Variants in OCLN observed in about 807,000 individuals in gnomAD.
OCLN encodes phosphatase 1, regulatory subunit 115.
A neutral mutation model predicts 47.9 loss-of-function variants in OCLN; 21 were observed. The ratio of observed to expected loss-of-function variants is 0.44; its 90% CI spans 0.31 to 0.63. The LOEUF is 0.63. OCLN is among the 30% of genes least tolerant of loss of function. OCLN has a pLI of 0.08. For synonymous variants in OCLN, 117 were observed against 198.4 expected (o/e 0.59, Z 3.45); for missense variants, 360 against 571.0 (o/e 0.63, Z 3.77).
At position 69,509,775 on chromosome 5, in the gene OCLN, G is replaced by C. The variant is rs141127898; in HGVS notation, c.685G>C (p.Val229Leu). ...TACACCTGCAGCTACTGGACTCTAC[G>C]TGGATCAGTATTTGTATCACTACTG... ...FYTPAATGLY[V>L]DQYLYHYCVV... Residue 229 changes from valine to leucine, a missense_variant, in exon 3 of 9, where the codon GTG becomes CTG. Coordinates refer to ENST00000396442, the MANE Select transcript of OCLN (RefSeq NM_001205254.2). 1 of 1,613,888 alleles carries C rather than the reference G, an allele frequency of 6.2e-7. No homozygotes were observed.
intron 1 of OCLN, among the ~76,000 whole-genome samples, chr5:69,499,485 T>C (rs1289909326): frequency 6.6e-6 from 1 of 152,230 alleles, no homozygotes. Flanking sequence ...ATGGATACAA[T>C]ATACCTAAGT....
intron 4 of OCLN, among the ~76,000 whole-genome samples, chr5:69,518,524 G>A (rs908117382): frequency 2.6e-5 from 4 of 152,018 alleles, no homozygotes; most frequent in African/African-American, 9.7e-5. Flanking sequence ...TTCATGTCGC[G>A]GAATTCAATA....
Position 69,509,687 on chromosome 5 carries a change from A to G in OCLN, c.597A>G (p.Pro199=), listed in dbSNP as rs1768722512. 6.2e-7 allele frequency: 1 copy of G among 1,614,098 alleles called. No individual in the cohort carries two copies. The highest frequency in any genetic ancestry group is 8.5e-7 in the Non-Finnish European group (1 of 1,180,044). ...ATIVYIMGVN[P]TAQSSGSLYG... is the part of the protein sequence containing the mutation. ...TTGTCTATATAATGGGAGTGAACCC[A>G]ACTGCTCAGTCTTCTGGATCTCTAT... The change falls in exon 3 of 9, where the codon CCA becomes CCG. Residue 199 remains proline (P), a synonymous_variant. Coordinates refer to ENST00000396442, the MANE Select transcript of OCLN (RefSeq NM_001205254.2).
In OCLN at chr5:69,509,766, G is replaced by A. The variant is rs761845807; in HGVS notation, c.676G>A (p.Gly226Arg). The A allele has an allele frequency of 6.2e-7, 1 of 1,614,048 alleles. No homozygotes were observed. Among genetic ancestry groups the A allele is most frequent in the Non-Finnish European group, 8.5e-7 (1 of 1,180,004 alleles). ...CCAATTTTATACACCTGCAGCTACT[G>A]GACTCTACGTGGATCAGTATTTGTA... Reference protein sequence around the residue: ...CNQFYTPAATGLYVDQYLYHY... With the variant: ...CNQFYTPAATRLYVDQYLYHY... The change falls in exon 3 of 9, where the codon GGA becomes AGA. Residue 226 changes from glycine to arginine, a missense_variant. Physicochemically the swap from Gly to Arg is moderately radical, Grantham distance 125. This residue lies in a region of OCLN where 314 missense variants were observed against 368.1 expected (regional missense o/e 0.85). Transcript: ENST00000396442.
Position 69,493,261 on chromosome 5 carries a change from G to T in OCLN, c.-69+361G>T, listed in dbSNP as rs1010658423. Among the ~76,000 whole-genome samples the T allele has an allele frequency of 1.3e-5, 2 of 152,188 alleles. No individual in the cohort carries two copies. The highest frequency in any genetic ancestry group is 2.9e-5 in the Non-Finnish European group (2 of 68,038). ...ATCCTGCATCCGCTCTGGGGCTGCAGTTTGGGGGGGCGGCCTTCATGGAGA... is the reference window on the plus strand; with the variant it reads ...ATCCTGCATCCGCTCTGGGGCTGCATTTTGGGGGGGCGGCCTTCATGGAGA... On this transcript the variant is annotated intron_variant, in intron 1 of 8. Transcript: ENST00000396442. The surrounding 1 kb of genome is among the most constrained non-coding windows in gnomAD (Gnocchi z 5.3).
chr5:69,515,441 C>T (rs1412274540), intron 4 of OCLN, among the ~76,000 whole-genome samples: 1 of 132,500 alleles, frequency 7.5e-6, no homozygotes, highest in African/African-American at 2.8e-5. Flanking sequence ...GACGGGGCGG[C>T]TGGCCGGGCA....
At chr5:69,512,046 T>C (rs1406944369) in intron 3 of OCLN, among the ~76,000 whole-genome samples, 1 of 145,334 alleles carries the variant, frequency 6.9e-6, no homozygotes, top group Non-Finnish European at 1.5e-5. Context: ...AAAAAAAAAA[T>C]TTTTAGTTTT....
At chr5:69,521,701 TA>T (rs1367125127) in intron 4 of OCLN, among the ~76,000 whole-genome samples, 1 of 152,260 alleles carries the variant, frequency 6.6e-6, no homozygotes. Flanking sequence ...CAGATTCTAC[TA>T]ACCCTGATGG....
intron 3 of OCLN, 32 bp downstream of exon 3, chr5:69,509,851 C>A: frequency 6.5e-7 from 1 of 1,539,152 alleles, no homozygotes; most frequent in Non-Finnish European, 9.0e-7. Flanking sequence ...TTTTCTCCAT[C>A]TCCTTAGCAG....
intron 1 of OCLN, among the ~76,000 whole-genome samples, chr5:69,495,325 A>G (rs1768260500): frequency 6.6e-6 from 1 of 152,166 alleles, no homozygotes; most frequent in South Asian, 2.1e-4. Flanking sequence ...TGGCTGTGGT[A>G]TGAATCACTT....
intron 4 of OCLN, among the ~76,000 whole-genome samples, chr5:69,514,876 G>A (rs1281977017): frequency 6.6e-6 from 1 of 152,212 alleles, no homozygotes; most frequent in African/African-American, 2.4e-5. Context: ...CAAGGCAGAA[G>A]AATTTTTCTT....
chr5:69,535,867 A>G (rs544421937), intron 5 of OCLN, among the ~76,000 whole-genome samples: 1 of 152,248 alleles, frequency 6.6e-6, no homozygotes, highest in African/African-American at 2.4e-5. Flanking sequence ...GCTCACGCCT[A>G]TAATCCCAGC....
chr5:69,500,108 C>T (rs2111941094), intron 1 of OCLN, among the ~76,000 whole-genome samples: 1 of 152,340 alleles, frequency 6.6e-6, no homozygotes, highest in East Asian at 1.9e-4. Context: ...GTTTGGTCAG[C>T]TGCAAATCTG....
At position 69,515,179 on chromosome 5, in the gene OCLN, C is replaced by T. The variant is rs1426432668; in HGVS notation, c.891+1070C>T. Among the ~76,000 whole-genome samples the T allele has an allele frequency of 3.4e-3, 439 of 130,554 alleles. 1 individual carries two copies. Among genetic ancestry groups the T allele is most frequent in the African/African-American group, 0.011 (399 of 34,716 alleles). 85.6% of individuals were successfully genotyped at this position (130,554 alleles called of 152,430 possible). A position where few individuals can be genotyped will look rare whatever the true frequency, so the allele number is the denominator to read the frequency against. ...CTGACCCCCCCACCTCCCTCCCGGA[C>T]GGGGCGGCTGGCCGGGCAGAGGGGC... On this transcript the variant is annotated intron_variant, in intron 4 of 8. Transcript: ENST00000396442.
chr5:69,519,536 T>C (rs1769074791), intron 4 of OCLN, among the ~76,000 whole-genome samples: 1 of 152,252 alleles, frequency 6.6e-6, no homozygotes, highest in Admixed American at 6.5e-5. Flanking sequence ...GCTTGGTTTT[T>C]AACCTGGTCT....
At chr5:69,508,231 T>G (rs1253129212) in intron 2 of OCLN, among the ~76,000 whole-genome samples, 1 of 152,016 alleles carries the variant, frequency 6.6e-6, no homozygotes, top group Non-Finnish European at 1.5e-5. Context: ...TTAGTAGAGA[T>G]AGGGTTTTAC....
chr5:69,533,833 TG>T (rs1769515941), intron 4 of OCLN, among the ~76,000 whole-genome samples: 1 of 152,128 alleles, frequency 6.6e-6, no homozygotes, highest in Non-Finnish European at 1.5e-5. Flanking sequence ...TTTTTGTGTG[TG>T]TATTTTTAGT....
At chr5:69,496,102 C>CTT (rs375038844) in intron 1 of OCLN, among the ~76,000 whole-genome samples, 9 of 143,204 alleles carry the variant, frequency 6.3e-5, no homozygotes, top group Admixed American at 7.1e-5. Context: ...ACAACTTAAA[C>CTT]TTTTTTTTTT....
chr5:69,522,395 C>T (rs1361383505), intron 4 of OCLN, among the ~76,000 whole-genome samples: 2 of 151,880 alleles, frequency 1.3e-5, no homozygotes, highest in African/African-American at 2.4e-5. Context: ...TTTTTATTTT[C>T]GCCCAACCTA....
Sources: gnomAD v4.1 joint callset for allele counts (sites outside exome capture counted in the v4.1 genomes callset) on GRCh38, gnomAD v4.1.1 for gene constraint, gnomAD v4.1.1 regional missense constraint, Gnocchi (gnomAD v3.1) non-coding constraint, MANE v1.5 for transcripts, NCBI Gene and HGNC (gene_info 2026-07-23, HGNC 2026-07-21) for gene names.